The following CNTN5 variants were observed in gnomAD, a reference collection of about 807,000 sequenced individuals.
CNTN5 encodes the protein contactin-5.
CNTN5 carries 77 observed loss-of-function variants against 129.1 expected under a neutral mutation model. The ratio of observed to expected loss-of-function variants is 0.60; its 90% CI spans 0.50 to 0.72. The LOEUF is 0.72. CNTN5 is among the 30% of genes least tolerant of loss of function. CNTN5 has a pLI of 0.00. For missense variants in CNTN5, 1,478 were observed against 1,328.8 expected (o/e 1.11, Z -1.75); for synonymous variants, 509 against 465.6 (o/e 1.09, Z -1.20).
intron 8 of CNTN5, among the ~76,000 whole-genome samples, chr11:99,980,364 A>G (rs1001350642): frequency 2.6e-5 from 4 of 152,342 alleles, no homozygotes; most frequent in African/African-American, 9.6e-5. Flanking sequence ...GAAACCAGCA[A>G]ATTTGTTGAG....
chr11:99,344,811 T>C (rs890801425), intron 2 of CNTN5, among the ~76,000 whole-genome samples: 16 of 152,216 alleles, frequency 1.1e-4, no homozygotes, highest in Non-Finnish European at 1.9e-4. Context: ...ATAAGAAAAG[T>C]ATGTTTAAAG....
intron 9 of CNTN5, among the ~76,000 whole-genome samples, chr11:100,018,519 G>T (rs978366254): frequency 8.6e-5 from 13 of 151,712 alleles, no homozygotes; most frequent in African/African-American, 1.7e-4. Context: ...CCTTTATATT[G>T]CACAGTAGTG....
intron 1 of CNTN5, among the ~76,000 whole-genome samples, chr11:99,303,107 A>G (rs1456668935): frequency 3.3e-5 from 5 of 151,714 alleles, no homozygotes; most frequent in African/African-American, 1.2e-4. Context: ...ATGAACCATA[A>G]AGTTTTATGC....
intron 15 of CNTN5, among the ~76,000 whole-genome samples, chr11:100,204,046 T>C (rs1264639844): frequency 6.6e-6 from 1 of 151,602 alleles, no homozygotes; most frequent in African/African-American, 2.4e-5. Context: ...AGTGCTTCCA[T>C]TATACCTTAC....
At chr11:100,163,635 G>A (rs900403206) in intron 13 of CNTN5, among the ~76,000 whole-genome samples, 1 of 151,782 alleles carries the variant, frequency 6.6e-6, no homozygotes, top group Non-Finnish European at 1.5e-5. Context: ...CTGACCTACT[G>A]CCTACCACAC....
rs992958978 is a variant in CNTN5, at chr11:99,831,331, G to A, written c.277+11566G>A. 2.0e-5 allele frequency among the ~76,000 whole-genome samples: 3 copies of A among 152,272 alleles called. No homozygotes were observed. The East Asian group carries it at 5.8e-4, about 29-fold the overall frequency. ...GCAAAAAGTTGTTGAGATGCTTAAC[G>A]AAGTGGTAGTTGGTTGGCAAAAGGT... is the stretch of plus-strand genomic sequence containing the variant. On this transcript the variant is annotated intron_variant, in intron 4 of 24. Coordinates refer to ENST00000524871, the MANE Select transcript of CNTN5 (RefSeq NM_014361.4).
intron 1 of CNTN5, among the ~76,000 whole-genome samples, chr11:99,168,412 T>C (rs7108245): frequency 0.17 from 25,325 of 151,872 alleles, 2,307 homozygotes; most frequent in East Asian, 0.34. Flanking sequence ...ACCCCGTCTG[T>C]ACTAAAAATA....
intron 6 of CNTN5, among the ~76,000 whole-genome samples, chr11:99,890,329 A>G (rs897871580): frequency 2.0e-5 from 3 of 152,120 alleles, no homozygotes; most frequent in Non-Finnish European, 2.9e-5. Flanking sequence ...TCTATGAATC[A>G]TACTGAAGTA....
At chr11:99,761,453 C>G (rs1428185053) in intron 3 of CNTN5, among the ~76,000 whole-genome samples, 2 of 151,910 alleles carry the variant, frequency 1.3e-5, no homozygotes, top group African/African-American at 4.8e-5. Flanking sequence ...GTGTGATGTT[C>G]CCCTTCGTGT....
chr11:99,283,853 A>G (rs988311956), intron 1 of CNTN5, among the ~76,000 whole-genome samples: 2 of 152,184 alleles, frequency 1.3e-5, no homozygotes, highest in African/African-American at 2.4e-5. Flanking sequence ...GTGATTACTA[A>G]GAAATCTTAT....
intron 13 of CNTN5, among the ~76,000 whole-genome samples, chr11:100,105,918 C>T (rs1024322816): frequency 1.3e-5 from 2 of 152,154 alleles, no homozygotes; most frequent in African/African-American, 4.8e-5. Flanking sequence ...GCCTTTCTCT[C>T]ATAACATTGG....
At chr11:100,244,888 A>G (rs1949812419) in intron 16 of CNTN5, among the ~76,000 whole-genome samples, 1 of 152,166 alleles carries the variant, frequency 6.6e-6, no homozygotes, top group Admixed American at 6.6e-5. Flanking sequence ...TTTATCTGGA[A>G]TAATTAGATA....
intron 2 of CNTN5, among the ~76,000 whole-genome samples, chr11:99,364,149 G>T (rs966438620): frequency 4.0e-5 from 6 of 151,852 alleles, no homozygotes; most frequent in Non-Finnish European, 8.8e-5. Context: ...AGAGAAAAAG[G>T]TTTTTTATAA....
At chr11:100,055,215 G>A (rs563113765) in intron 9 of CNTN5, among the ~76,000 whole-genome samples, 3 of 151,444 alleles carry the variant, frequency 2.0e-5, no homozygotes, top group Admixed American at 2.0e-4. Context: ...AAAGTCAGAA[G>A]CTCATCGATA....
At chr11:100,132,342 A>G (rs1190800353) in intron 13 of CNTN5, among the ~76,000 whole-genome samples, 1 of 152,146 alleles carries the variant, frequency 6.6e-6, no homozygotes, top group Non-Finnish European at 1.5e-5. Flanking sequence ...GATGTAATGC[A>G]TCTCATATAG....
intron 1 of CNTN5, among the ~76,000 whole-genome samples, chr11:99,026,427 T>C (rs564333345): frequency 1.3e-5 from 2 of 151,608 alleles, no homozygotes; most frequent in African/African-American, 4.8e-5. Context: ...ATTTCAAAAG[T>C]TATGGCATTG....
chr11:99,024,904 C>G (rs779516720), intron 1 of CNTN5, among the ~76,000 whole-genome samples: 12 of 151,884 alleles, frequency 7.9e-5, no homozygotes, highest in Non-Finnish European at 1.8e-4. Context: ...ATTTCTTAAG[C>G]TAGAATTTCT....
chr11:99,058,022 T>C lies in CNTN5; in HGVS notation c.-210+36752T>C, dbSNP rs372408448. Among the ~76,000 whole-genome samples, 434 of 152,086 alleles carry C rather than the reference T, an allele frequency of 2.9e-3. 2 individuals are homozygous for C. Among genetic ancestry groups the C allele is most frequent in the African/African-American group, 9.9e-3 (410 of 41,492 alleles). On this transcript the variant is annotated intron_variant, in intron 1 of 24. Coordinates refer to ENST00000524871, the MANE Select transcript of CNTN5 (RefSeq NM_014361.4). ...CTATCTGAGGCAGGGACCTCCCTAG[T>C]TTTTTCCTAGAAATATAGAGGAGGC...
chr11:99,280,553 T>C (rs1863648769), intron 1 of CNTN5, among the ~76,000 whole-genome samples: 1 of 151,700 alleles, frequency 6.6e-6, no homozygotes, highest in African/African-American at 2.4e-5. Context: ...TCTGTTTACC[T>C]GGGTTCTAGG....
Sources: allele counts gnomAD v4.1 joint callset (sites outside exome capture counted in the v4.1 genomes callset), GRCh38; gene constraint gnomAD v4.1.1; transcripts MANE v1.5; gene names NCBI Gene and HGNC (gene_info 2026-07-23, HGNC 2026-07-21).